UQCC1: variants seen among roughly 807,000 people sequenced by gnomAD.
UQCC1 encodes the protein ubiquinol-cytochrome c reductase complex assembly factor 1.
A neutral mutation model predicts 48.0 loss-of-function variants in UQCC1; 38 were observed. The ratio of observed to expected loss-of-function variants is 0.79; its 90% confidence interval spans 0.61 to 1.04. The LOEUF (loss-of-function observed/expected upper bound fraction) is 1.04, where lower values mean the gene tolerates loss of function less well. Ranked by LOEUF, UQCC1 falls within the 50% of genes least tolerant of loss-of-function variation. UQCC1 has a pLI of 0.00. For missense variants in UQCC1, 368 were observed against 381.8 expected, an observed-to-expected ratio of 0.96 and a Z score of 0.30; for synonymous variants, 111 against 129.2, an observed-to-expected ratio of 0.86 and a Z score of 0.95.
chr20:35,357,540 G>A (rs968370031), intron 6 of UQCC1, among the ~76,000 whole-genome samples: 10 of 151,688 alleles, frequency 6.6e-5, no homozygotes, highest in East Asian at 1.9e-4. Context: ...AGTGGGGCAC[G>A]GTGGTGCATG....
rs537375425 is a variant in UQCC1, at chr20:35,391,756, T to C, written c.129+2336A>G. On this transcript the variant is annotated intron_variant, in intron 2 of 9. Transcript: ENST00000374385. ...AAAAAATTGACAAAATTGGAACAAA[T>C]AGACTAATTAATAGTATTATTTCAA... is the stretch of plus-strand genomic sequence containing the variant. Among the ~76,000 whole-genome samples the C allele has an allele frequency of 3.9e-4, 59 of 151,274 alleles. 1 individual carries two copies. The highest frequency in any genetic ancestry group is 1.3e-3 in the African/African-American group (55 of 41,176).
At chr20:35,317,633 C>T (rs994766810) in intron 7 of UQCC1, among the ~76,000 whole-genome samples, 4 of 152,178 alleles carry the variant, frequency 2.6e-5, no homozygotes, top group African/African-American at 9.7e-5. Flanking sequence ...ACCTGTCTCT[C>T]CCATTAGTCT....
chr20:35,362,174 G>A (rs998709938), intron 6 of UQCC1, among the ~76,000 whole-genome samples: 52 of 152,328 alleles, frequency 3.4e-4, no homozygotes, highest in African/African-American at 1.2e-3. Context: ...AGAGGCGGGG[G>A]AAGGGCCTTC....
At chr20:35,399,925 CT>C (rs1227064253) in intron 1 of UQCC1, among the ~76,000 whole-genome samples, 75 of 119,580 alleles carry the variant, frequency 6.3e-4, no homozygotes, top group East Asian at 3.4e-3. Context: ...CTACTCAGTC[CT>C]TTTTTTTTTT....
chr20:35,384,920 T>G (rs1458053633), intron 2 of UQCC1, among the ~76,000 whole-genome samples: 5 of 122,652 alleles, frequency 4.1e-5, no homozygotes, highest in Non-Finnish European at 7.8e-5. Flanking sequence ...TGAACCAATA[T>G]CATGCCACTG....
At chr20:35,338,134 G>A (rs1475634229) in intron 7 of UQCC1, among the ~76,000 whole-genome samples, 1 of 151,910 alleles carries the variant, frequency 6.6e-6, no homozygotes, top group Non-Finnish European at 1.5e-5. Context: ...GATGGAAAAA[G>A]AAACAAATTC....
At position 35,394,102 on chromosome 20, in the gene UQCC1, C is replaced by A. The variant is rs756135166; in HGVS notation, c.119G>T (p.Arg40Leu). Residue 40 changes from arginine to leucine, a missense_variant, in exon 2 of 10, where the codon CGC becomes CTC. Physicochemically the swap from Arg to Leu is moderately radical, Grantham distance 102. Coordinates refer to ENST00000374385, the MANE Select transcript of UQCC1 (RefSeq NM_018244.5). ...AACAACAAATCTTACCTGGGAAGTGCGAGACAGAGCCCTGTCCCCCTGTCC... is the reference window on the plus strand; with the variant it reads ...AACAACAAATCTTACCTGGGAAGTGAGAGACAGAGCCCTGTCCCCCTGTCC... The part of the protein sequence containing the change: ...TQGQGDRALS[R>L]TSQWPQMSQS... The A allele has an allele frequency of 6.2e-7, 1 of 1,613,056 alleles. No homozygotes were observed. Among genetic ancestry groups the A allele is most frequent in the Non-Finnish European group, 8.5e-7 (1 of 1,179,282 alleles).
chr20:35,346,834 G>T, intron 7 of UQCC1: 1 of 696,714 alleles, frequency 1.4e-6, no homozygotes, highest in South Asian at 2.0e-5. Context: ...TGGTGTCAAA[G>T]GTATAGTATC....
intron 9 of UQCC1, among the ~76,000 whole-genome samples, chr20:35,305,568 G>A (rs1490054677): frequency 6.6e-6 from 1 of 152,242 alleles, no homozygotes; most frequent in Non-Finnish European, 1.5e-5. Context: ...GGGCCCTCTG[G>A]CCATGCCGTG....
At chr20:35,312,024 C>T (rs937329442) in intron 8 of UQCC1, among the ~76,000 whole-genome samples, 1 of 151,956 alleles carries the variant, frequency 6.6e-6, no homozygotes, top group Admixed American at 6.5e-5. Flanking sequence ...GATGGGGGAC[C>T]GGAAACAAAC....
At position 35,365,655 on chromosome 20, in the gene UQCC1, T is replaced by TAAAA. The variant is rs34840052; in HGVS notation, c.464+898_464+901dup. On this transcript the variant is annotated intron_variant, in intron 6 of 9. Coordinates refer to ENST00000374385, the MANE Select transcript of UQCC1 (RefSeq NM_018244.5). ...CTAGGCAGCACAGTGAGACTATGTC[T>TAAAA]AAAAAAAAAAAAAAAAAAGCATAAA... 3.4e-5 allele frequency among the ~76,000 whole-genome samples: 4 copies of TAAAA among 119,056 alleles called. No homozygotes were observed. In the East Asian group the frequency reaches 7.1e-4, roughly 21 times the overall value. 78.1% of individuals were successfully genotyped at this position (119,056 alleles called of 152,430 possible). A position where few individuals can be genotyped will look rare whatever the true frequency, so the allele number is the denominator to read the frequency against.
At chr20:35,338,540 G>A (rs570122401) in intron 7 of UQCC1, among the ~76,000 whole-genome samples, 38 of 152,056 alleles carry the variant, frequency 2.5e-4, no homozygotes, top group African/African-American at 8.9e-4. Flanking sequence ...ACCTTAACCA[G>A]AAATATGTAT....
intron 1 of UQCC1, among the ~76,000 whole-genome samples, chr20:35,408,067 T>C (rs1206955044): frequency 6.6e-6 from 1 of 151,950 alleles, no homozygotes; most frequent in African/African-American, 2.4e-5. Flanking sequence ...CACTAGTCAC[T>C]AGAGAAATGT....
intron 4 of UQCC1, among the ~76,000 whole-genome samples, chr20:35,374,947 C>G (rs189680697): frequency 1.3e-5 from 2 of 151,586 alleles, no homozygotes; most frequent in African/African-American, 4.8e-5. Context: ...ATAAATTATG[C>G]CTTAATAAAA....
chr20:35,382,095 T>C, intron 3 of UQCC1, 70 bp from the exon 4 acceptor site: 1 of 980,226 alleles, frequency 1.0e-6, no homozygotes, highest in East Asian at 2.4e-5. Context: ...TTGTTCCTCA[T>C]CAGGTCTGAG....
intron 7 of UQCC1, among the ~76,000 whole-genome samples, chr20:35,324,482 A>G (rs1389983139): frequency 6.6e-6 from 1 of 152,118 alleles, no homozygotes; most frequent in Admixed American, 6.5e-5. Context: ...GCCCACCACC[A>G]CGCCCAGCTA....
chr20:35,347,239 C>T lies in UQCC1; in HGVS notation c.498G>A (p.Arg166=). Residue 166 remains arginine (R), a synonymous_variant, in exon 7 of 10, where the codon CGG becomes CGA. Transcript: ENST00000374385. Reference sequence around the variant, plus strand: ...TGATACGACACATGTACTTCCCACTCCGGCCTTCCTGCTTCATTCGGACTA... The same window carrying T: ...TGATACGACACATGTACTTCCCACTTCGGCCTTCCTGCTTCATTCGGACTA... ...MCLVRMKQEG[R]SGKYMCRIIV... 6.2e-7 allele frequency: 1 copy of T among 1,614,156 alleles called. No individual in the cohort carries two copies. The highest frequency in any genetic ancestry group is 8.5e-7 in the Non-Finnish European group (1 of 1,180,028).
chr20:35,337,329 C>T (rs2061326133), intron 7 of UQCC1, among the ~76,000 whole-genome samples: 1 of 152,144 alleles, frequency 6.6e-6, no homozygotes, highest in African/African-American at 2.4e-5. Context: ...GCTGGGACTA[C>T]AGGTGCATGC....
At chr20:35,365,228 G>A (rs1389529435) in intron 6 of UQCC1, among the ~76,000 whole-genome samples, 2 of 152,110 alleles carry the variant, frequency 1.3e-5, no homozygotes, top group African/African-American at 4.8e-5. Context: ...TATAACTTAG[G>A]CATTCTGATT....
Sources: gnomAD v4.1 joint callset for allele counts (sites outside exome capture counted in the v4.1 genomes callset) on GRCh38, gnomAD v4.1.1 for gene constraint, MANE v1.5 for transcripts, NCBI Gene and HGNC (gene_info 2026-07-23, HGNC 2026-07-21) for gene names.